ZNF665: variants seen among roughly 807,000 people sequenced by gnomAD.
ZNF665 encodes the protein zinc finger protein 665.
ZNF665 carries 6 observed loss-of-function variants against 7.9 expected under a neutral mutation model. That is an observed-to-expected ratio of 0.76 (90% CI 0.42 to 1.50). The LOEUF (loss-of-function observed/expected upper bound fraction) is 1.50. Among genes scored for constraint, ZNF665 ranks in the 40% most tolerant of loss-of-function variants. ZNF665 has a pLI of 0.01. For synonymous variants in ZNF665, 242 were observed against 274.5 expected (o/e 0.88, Z 1.17); for missense variants, 819 against 806.7 (o/e 1.02, Z -0.18).
chr19:53,191,175 A>G (rs1325474288), intron 1 of ZNF665, among the ~76,000 whole-genome samples: 1 of 152,204 alleles, frequency 6.6e-6, no homozygotes, highest in Non-Finnish European at 1.5e-5. Context: ...GAATTAAATT[A>G]TTGGACAGTC....
chr19:53,189,051 C>CTGTGTGTGTGTGTGTGTG (rs60689265), intron 1 of ZNF665, among the ~76,000 whole-genome samples: 215 of 137,746 alleles, frequency 1.6e-3, no homozygotes, highest in East Asian at 5.7e-3. Context: ...GCTTTATTTT[C>CTGTGTGTGTGTGTGTGTG]TGTGTGTGTG....
intron 1 of ZNF665, among the ~76,000 whole-genome samples, chr19:53,184,240 A>T (rs2090760096): frequency 6.6e-6 from 1 of 152,046 alleles, no homozygotes; most frequent in Admixed American, 6.6e-5. Context: ...ACAGAGCGAG[A>T]CCCTGTCTCA....
At chr19:53,192,010 TCTCC>T (rs1364602412) in intron 1 of ZNF665, among the ~76,000 whole-genome samples, 3 of 151,966 alleles carry the variant, frequency 2.0e-5, no homozygotes, top group African/African-American at 7.3e-5. Context: ...TCTTCTTCTC[TCTCC>T]TTGTTTCTTT....
At chr19:53,168,055 C>CAAAAAAAAAAAAAA (rs57521729) in intron 3 of ZNF665, among the ~76,000 whole-genome samples, 2 of 66,402 alleles carry the variant, frequency 3.0e-5, no homozygotes, top group African/African-American at 1.1e-4. Context: ...GACTCCCTCT[C>CAAAAAAAAAAAAAA]AAAAAAAAAA....
chr19:53,190,619 A>G (rs1479494441), intron 1 of ZNF665, among the ~76,000 whole-genome samples: 1 of 152,152 alleles, frequency 6.6e-6, no homozygotes, highest in Non-Finnish European at 1.5e-5. Context: ...ATTCATCTGT[A>G]TGCTTCGTAG....
At chr19:53,177,833 T>C (rs1304535099) in intron 2 of ZNF665, among the ~76,000 whole-genome samples, 1 of 152,216 alleles carries the variant, frequency 6.6e-6, no homozygotes, top group Non-Finnish European at 1.5e-5. Flanking sequence ...TACAACACTG[T>C]AGCCCATGAG....
chr19:53,177,816 T>C (rs1205098973), intron 2 of ZNF665, among the ~76,000 whole-genome samples: 1 of 152,200 alleles, frequency 6.6e-6, no homozygotes, highest in Non-Finnish European at 1.5e-5. Flanking sequence ...TTACGTGTAC[T>C]AACACATACA....
Position 53,165,013 on chromosome 19 carries a change from T to A in ZNF665, c.1477A>T (p.Lys493Ter). Residue 493 changes from lysine (K) to a stop codon, truncating the protein, a stop_gained, in exon 4 of 4, where the codon AAA becomes TAA. Transcript: ENST00000396424. LOFTEE classifies it low-confidence loss of function (END_TRUNC). ...AGTTGTGATGTTTGACTGAAGGCTT[T>A]ACCACATTCATCACACTTGTAAGGT... ...EKPYKCDECG[K>*]AFSQTSQLAR... is the part of the protein sequence containing the mutation. The A allele has an allele frequency of 6.2e-7, 1 of 1,614,172 alleles. No homozygotes were observed. The highest frequency in any genetic ancestry group is 8.5e-7 in the Non-Finnish European group (1 of 1,180,004).
chr19:53,184,813 A>AG, intron 1 of ZNF665, among the ~76,000 whole-genome samples: 1 of 142,972 alleles, frequency 7.0e-6, no homozygotes. Context: ...ATTGGATACA[A>AG]GACAAAGGGG....
In ZNF665 at chr19:53,182,877, A is replaced by G. The variant is rs2146877978; in HGVS notation, c.15+7T>C. Reference sequence around the variant, plus strand: ...GACAGAACAATCCACCGAGAATATCATCTCACCTGAGGAAGAGCCATCCCT... The same window carrying G: ...GACAGAACAATCCACCGAGAATATCGTCTCACCTGAGGAAGAGCCATCCCT... On this transcript the variant is annotated splice_region_variant and intron_variant, in intron 2 of 3. Transcript: ENST00000396424. 1 of 1,612,330 alleles carries G rather than the reference A, an allele frequency of 6.2e-7. No homozygotes were observed. The highest frequency in any genetic ancestry group is 8.5e-7 in the Non-Finnish European group (1 of 1,179,622).
intron 2 of ZNF665, among the ~76,000 whole-genome samples, chr19:53,178,692 T>C (rs1251025763): frequency 1.3e-5 from 2 of 152,234 alleles, no homozygotes; most frequent in Non-Finnish European, 2.9e-5. Flanking sequence ...TGTGTTAATA[T>C]ATTCAAGTTC....
At position 53,165,995 on chromosome 19, in the gene ZNF665, A is replaced by T; in HGVS notation, c.495T>A (p.Asn165Lys). The change falls in exon 4 of 4, where the codon AAT becomes AAA. Residue 165 changes from asparagine to lysine, a missense_variant. By Grantham distance (94) the Asn-to-Lys change is moderately conservative (BLOSUM62 0). Transcript: ENST00000396424. The stretch of plus-strand genomic sequence containing the variant: ...GATTATTAGGAGACTTCTCAACTTG[A>T]TTGTATTCATAAATTTTCCCTTCAT... ...FQHEGKIYEY[N>K]QVEKSPNNRG... is the part of the protein sequence containing the mutation. 6.2e-7 allele frequency: 1 copy of T among 1,613,840 alleles called. No individual in the cohort carries two copies. The highest frequency in any genetic ancestry group is 2.2e-5 in the East Asian group (1 of 44,878).
chr19:53,184,123 G>T (rs2090759057), intron 1 of ZNF665, among the ~76,000 whole-genome samples: 1 of 152,022 alleles, frequency 6.6e-6, no homozygotes, highest in Admixed American at 6.6e-5. Flanking sequence ...GTTGGTACGT[G>T]CCTGTAGTCC....
Position 53,184,249 on chromosome 19 carries a change from C to CA in ZNF665, c.-45-1307dup, listed in dbSNP as rs1450993247. Among the ~76,000 whole-genome samples, 14 of 149,976 alleles carry CA rather than the reference C, an allele frequency of 9.3e-5. 1 individual carries two copies. Among genetic ancestry groups the CA allele is most frequent in the South Asian group, 8.4e-4 (4 of 4,746 alleles). ...TGGGCGACAGAGCGAGACCCTGTCT[C>CA]AAAAAAAAAGACTAGAAGAAATAAT... On this transcript the variant is annotated intron_variant, in intron 1 of 3. Transcript: ENST00000396424.
intron 1 of ZNF665, among the ~76,000 whole-genome samples, chr19:53,183,517 C>T: frequency 6.8e-6 from 1 of 146,618 alleles, no homozygotes; most frequent in South Asian, 2.1e-4. Context: ...CCCAGCACAG[C>T]CCCCCCACCT....
intron 3 of ZNF665, 83 bp from the exon 4 acceptor site, chr19:53,166,430 C>A (rs777654533): frequency 3.2e-5 from 39 of 1,227,044 alleles, no homozygotes; most frequent in Non-Finnish European, 4.3e-5. Context: ...TAATGTTACA[C>A]CAAAAGTAAT....
In ZNF665 at chr19:53,189,822, T is replaced by C. The variant is rs1280021229; in HGVS notation, c.-46+3490A>G. On this transcript the variant is annotated intron_variant, in intron 1 of 3. Coordinates refer to ENST00000396424, the MANE Select transcript of ZNF665 (RefSeq NM_024733.5). Reference sequence around the variant, plus strand: ...GTCTGCTAAGTAGCGGGTGTTTTCATTTGACACTTACGCTACCCCTAGACC... The same window carrying C: ...GTCTGCTAAGTAGCGGGTGTTTTCACTTGACACTTACGCTACCCCTAGACC... Among the ~76,000 whole-genome samples, 11 of 151,704 alleles carry C rather than the reference T, an allele frequency of 7.3e-5. No individual in the cohort carries two copies. In the East Asian group the frequency reaches 1.6e-3, roughly 22 times the overall value.
intron 2 of ZNF665, among the ~76,000 whole-genome samples, chr19:53,177,878 CTG>C (rs1555804782): frequency 6.6e-6 from 1 of 152,218 alleles, no homozygotes; most frequent in Non-Finnish European, 1.5e-5. Context: ...GTGGGGACAA[CTG>C]TTTCACAGAC....
intron 3 of ZNF665, among the ~76,000 whole-genome samples, chr19:53,168,747 C>T (rs938047094): frequency 6.6e-6 from 1 of 151,960 alleles, no homozygotes; most frequent in African/African-American, 2.4e-5. Context: ...AGACAAATAT[C>T]AAATAGATCA....
Sources: allele counts gnomAD v4.1 joint callset (sites outside exome capture counted in the v4.1 genomes callset), GRCh38; gene constraint gnomAD v4.1.1; transcripts MANE v1.5; gene names NCBI Gene and HGNC (gene_info 2026-07-23, HGNC 2026-07-21).